The following SH2B3 variants were observed in gnomAD, a reference collection of about 807,000 sequenced individuals.
SH2B3 encodes the protein SH2B adapter protein 3.
Under a neutral mutation model 51.9 loss-of-function variants are expected in SH2B3, and 43 were observed. That is an observed-to-expected ratio of 0.83 (90% confidence interval 0.65 to 1.07). The LOEUF (loss-of-function observed/expected upper bound fraction) is 1.07, where lower values mean the gene tolerates loss of function less well. Among genes scored for constraint, SH2B3 ranks in the 50% least tolerant of loss-of-function variants. The pLI is 0.00. For missense variants in SH2B3, 952 were observed against 834.3 expected, an observed-to-expected ratio of 1.14 and a Z score of -1.74; for synonymous variants, 396 against 376.0, an observed-to-expected ratio of 1.05 and a Z score of -0.62.
At position 111,437,378 on chromosome 12, in the gene SH2B3, CCT is replaced by C. The variant is rs1374929347; in HGVS notation, c.733-9374_733-9373del. On this transcript the variant is annotated intron_variant, in intron 2 of 7. Transcript: ENST00000341259. ...GCTTCTCCCTTCTCTTTCCTCCTCC[CCT>C]GTGGGGAAAGGGCACCTGAGGCAGC... 2.6e-5 allele frequency among the ~76,000 whole-genome samples: 4 copies of C among 152,190 alleles called. No individual in the cohort carries two copies. In the South Asian group the frequency reaches 8.3e-4, roughly 32 times the overall value.
intron 2 of SH2B3, among the ~76,000 whole-genome samples, chr12:111,424,227 A>C (rs1871796807): frequency 6.6e-6 from 1 of 152,116 alleles, no homozygotes; most frequent in Non-Finnish European, 1.5e-5. Flanking sequence ...CTCTGGGGCA[A>C]GTGGTATCAC....
chr12:111,433,155 C>A (rs1872613781), intron 2 of SH2B3, among the ~76,000 whole-genome samples: 1 of 152,168 alleles, frequency 6.6e-6, no homozygotes. Flanking sequence ...AGTTTGAGAC[C>A]AGCCTGGCCA....
In SH2B3 at chr12:111,438,924, G is replaced by T. The variant is rs1472336418; in HGVS notation, c.733-7829G>T. 1.3e-5 allele frequency among the ~76,000 whole-genome samples: 2 copies of T among 152,300 alleles called. No homozygotes were observed. Among genetic ancestry groups the T allele is most frequent in the East Asian group, 3.9e-4 (2 of 5,172 alleles). On this transcript the variant is annotated intron_variant, in intron 2 of 7. Coordinates refer to ENST00000341259, the MANE Select transcript of SH2B3 (RefSeq NM_005475.3). This position sits in a 1 kb window ranked among gnomAD's most constrained non-coding sequence, Gnocchi z 4.2. ...GGAGGGAGGCCCAAGAGGCTGAGGAGGTAACAAGGGTCTCTCAGATGAGGA... is the reference window on the plus strand; with the variant it reads ...GGAGGGAGGCCCAAGAGGCTGAGGATGTAACAAGGGTCTCTCAGATGAGGA...
intron 2 of SH2B3, among the ~76,000 whole-genome samples, chr12:111,423,692 A>T (rs1441441259): frequency 6.6e-6 from 1 of 152,178 alleles, no homozygotes; most frequent in Non-Finnish European, 1.5e-5. Context: ...TTTGAAAAAC[A>T]ACCTCAGTGG....
chr12:111,447,594 T>C (rs1393685719), intron 6 of SH2B3, 50 bp downstream of exon 6: 1 of 1,609,236 alleles, frequency 6.2e-7, no homozygotes, highest in Non-Finnish European at 8.5e-7. Context: ...GTGCCACCCC[T>C]CTCCACTGGA....
At chr12:111,433,539 T>C (rs758746382) in intron 2 of SH2B3, among the ~76,000 whole-genome samples, 1 of 152,160 alleles carries the variant, frequency 6.6e-6, no homozygotes, top group Non-Finnish European at 1.5e-5. Context: ...TGTGAAGTAG[T>C]TTCTCAGTGT....
rs757966138 is a variant in SH2B3 at position 111,447,543 on chromosome 12, A to AGGTAT, written c.1236+2_1236+6dup. On this transcript the variant is annotated frameshift_variant and splice_region_variant, in exon 6 of 8. Coordinates refer to ENST00000341259, the MANE Select transcript of SH2B3 (RefSeq NM_005475.3). LOFTEE classifies it high-confidence loss of function. ...ACTTTCAACTTTCAGGGGATAGCCA[A>AGGTAT]GGTATGGGGTGGGGTGGGGTGGGGT... 1 of 539,492 alleles carries AGGTAT rather than the reference A, an allele frequency of 1.9e-6. No individual in the cohort carries two copies. The highest frequency in any genetic ancestry group is 2.9e-6 in the Non-Finnish European group (1 of 339,192). The allele number at this position is 539,492 out of a possible 1,614,324, so 33.4% of individuals were successfully genotyped here.
At position 111,447,186 on chromosome 12, in the gene SH2B3, T is replaced by A; in HGVS notation, c.988T>A (p.Ser330Thr). The change falls in exon 5 of 8, where the codon TCC becomes ACC. Residue 330 changes from serine (S) to threonine (T), a missense_variant. Physicochemically the swap from Ser to Thr is moderately conservative, Grantham distance 58 (BLOSUM62 1). Transcript: ENST00000341259. ...PSALEPSTSS[S>T]PRGSTDSLNQ... is the part of the protein sequence containing the mutation. ...AGCCCTAGAGCCTAGCACGTCCAGCTCCCCAAGGGGCAGCACAGATTCCCT... is the reference window on the plus strand; with the variant it reads ...AGCCCTAGAGCCTAGCACGTCCAGCACCCCAAGGGGCAGCACAGATTCCCT... 1 of 1,613,812 alleles carries A rather than the reference T, an allele frequency of 6.2e-7. No individual in the cohort carries two copies. Among genetic ancestry groups the A allele is most frequent in the Non-Finnish European group, 8.5e-7 (1 of 1,179,810 alleles).
intron 4 of SH2B3, 40 bp downstream of exon 4, chr12:111,447,073 G>A (rs1241018038): frequency 6.2e-6 from 10 of 1,609,406 alleles, no homozygotes; most frequent in Non-Finnish European, 8.5e-6. Flanking sequence ...CACCTTTGCT[G>A]CTACCACCCC....
chr12:111,431,018 G>A (rs1332474107), intron 2 of SH2B3, among the ~76,000 whole-genome samples: 3 of 149,400 alleles, frequency 2.0e-5, no homozygotes, highest in East Asian at 2.1e-4. Flanking sequence ...AGTGCCGGCC[G>A]GGGGTGGGTG....
intron 2 of SH2B3, chr12:111,444,244 C>T (rs1873708398): frequency 6.6e-6 from 1 of 152,236 alleles, no homozygotes. Flanking sequence ...AGAACTATAA[C>T]ATCTGGGATA....
intron 2 of SH2B3, chr12:111,434,681 A>G (rs1006847387): frequency 1.6e-6 from 1 of 643,814 alleles, no homozygotes. Flanking sequence ...GATCAGATAA[A>G]TAATTATTTA....
intron 1 of SH2B3, among the ~76,000 whole-genome samples, chr12:111,408,797 G>C (rs1332224742): frequency 2.0e-5 from 3 of 152,204 alleles, no homozygotes; most frequent in Non-Finnish European, 4.4e-5. Context: ...GTGTTCATGA[G>C]GGTCTCCCAT....
At position 111,435,065 on chromosome 12, in the gene SH2B3, C is replaced by T; in HGVS notation, c.733-11688C>T. 6.6e-7 allele frequency: 1 copy of T among 1,507,236 alleles called. No individual in the cohort carries two copies. Among genetic ancestry groups the T allele is most frequent in the Non-Finnish European group, 8.9e-7 (1 of 1,122,064 alleles). 93.4% of individuals were successfully genotyped at this position (1,507,236 alleles called of 1,614,324 possible). Reference sequence around the variant, plus strand: ...TACCGTTGTCTGGGGCTTTGGGGATCTTGGTGGTGATGAGTCCCCTCTCCT... The same window carrying T: ...TACCGTTGTCTGGGGCTTTGGGGATTTTGGTGGTGATGAGTCCCCTCTCCT... On this transcript the variant is annotated intron_variant, in intron 2 of 7. Coordinates refer to ENST00000341259, the MANE Select transcript of SH2B3 (RefSeq NM_005475.3). This position sits in a 1 kb window ranked among gnomAD's most constrained non-coding sequence, Gnocchi z 4.8.
intron 2 of SH2B3, among the ~76,000 whole-genome samples, chr12:111,423,582 G>A (rs923018761): frequency 3.3e-5 from 5 of 152,202 alleles, no homozygotes; most frequent in East Asian, 3.9e-4. Flanking sequence ...GTGTTAGCCC[G>A]GATGGTTTCG....
At chr12:111,445,080 G>A (rs989081438) in intron 2 of SH2B3, among the ~76,000 whole-genome samples, 2 of 152,236 alleles carry the variant, frequency 1.3e-5, no homozygotes, top group East Asian at 3.8e-4. Context: ...TGCTGGGGGT[G>A]GAGCTGGCTT....
chr12:111,407,961 A>C lies in SH2B3; in HGVS notation c.-28+1684A>C, dbSNP rs1022369275. 2.0e-5 allele frequency among the ~76,000 whole-genome samples: 3 copies of C among 152,108 alleles called. No individual in the cohort carries two copies. Among genetic ancestry groups the C allele is most frequent in the Admixed American group, 1.3e-4 (2 of 15,262 alleles). ...GGGGAGTAACAGGTTTGCAGTGGAG[A>C]TTTAATGAGCCAGTGTGTAATGAGC... On this transcript the variant is annotated intron_variant, in intron 1 of 7. Coordinates refer to ENST00000341259, the MANE Select transcript of SH2B3 (RefSeq NM_005475.3). This position sits in a 1 kb window ranked among gnomAD's most constrained non-coding sequence, Gnocchi z 4.3.
rs1437402811 is a variant in SH2B3, at chr12:111,409,023, C to T, written c.-28+2746C>T. On this transcript the variant is annotated intron_variant, in intron 1 of 7. Transcript: ENST00000341259. The surrounding 1 kb of genome is among the most constrained non-coding windows in gnomAD (Gnocchi z 4.0). Reference sequence around the variant, plus strand: ...CACTTCTCCCTGGTAGCAGTATGGACTTTGGGGCCAAATCTGGGCTCTGCC... The same window carrying T: ...CACTTCTCCCTGGTAGCAGTATGGATTTTGGGGCCAAATCTGGGCTCTGCC... Among the ~76,000 whole-genome samples, 1 of 152,244 alleles carries T rather than the reference C, an allele frequency of 6.6e-6. No homozygotes were observed. Among genetic ancestry groups the T allele is most frequent in the Admixed American group, 6.5e-5 (1 of 15,290 alleles).
At chr12:111,422,558 G>GTTTTT in intron 2 of SH2B3, among the ~76,000 whole-genome samples, 1 of 150,658 alleles carries the variant, frequency 6.6e-6, no homozygotes, top group African/African-American at 2.4e-5. Context: ...ATGAAAAGCA[G>GTTTTT]TTTTGTTTTT....
Sources: gnomAD v4.1 joint callset for allele counts (sites outside exome capture counted in the v4.1 genomes callset) on GRCh38, gnomAD v4.1.1 for gene constraint, Gnocchi (gnomAD v3.1) non-coding constraint, MANE v1.5 for transcripts, NCBI Gene and HGNC (gene_info 2026-07-23, HGNC 2026-07-21) for gene names.